The following NKAIN2 variants were observed in gnomAD, a reference collection of about 807,000 sequenced individuals.
NKAIN2 encodes the protein sodium/potassium-transporting ATPase subunit beta-1-interacting protein 2.
Under a neutral mutation model 32.6 loss-of-function variants are expected in NKAIN2, and 14 were observed. The ratio of observed to expected loss-of-function variants is 0.43; its 90% CI spans 0.28 to 0.67. The LOEUF (loss-of-function observed/expected upper bound fraction) is 0.67, where lower values mean the gene tolerates loss of function less well. Ranked by LOEUF, NKAIN2 falls within the 30% of genes least tolerant of loss-of-function variation. The pLI, the probability that NKAIN2 is intolerant of heterozygous loss-of-function variation, is 0.17. For synonymous variants in NKAIN2, 80 were observed against 87.2 expected, an observed-to-expected ratio of 0.92 and a Z score of 0.46; for missense variants, 198 against 258.3, an observed-to-expected ratio of 0.77 and a Z score of 1.60.
chr6:123,949,212 C>T (rs1777214261), intron 1 of NKAIN2, among the ~76,000 whole-genome samples: 1 of 151,800 alleles, frequency 6.6e-6, no homozygotes, highest in Admixed American at 6.6e-5. Flanking sequence ...ATCATACTAC[C>T]TGACTTGAGT....
chr6:123,991,692 C>G (rs1020930739), intron 1 of NKAIN2, among the ~76,000 whole-genome samples: 1 of 152,020 alleles, frequency 6.6e-6, no homozygotes, highest in Admixed American at 6.6e-5. Context: ...GAAACCACAT[C>G]TCAACTAAAA....
intron 1 of NKAIN2, among the ~76,000 whole-genome samples, chr6:124,190,848 G>A (rs1789983449): frequency 6.6e-6 from 1 of 152,074 alleles, no homozygotes; most frequent in Non-Finnish European, 1.5e-5. Context: ...GAATTCTTTA[G>A]AAAATAGACT....
intron 1 of NKAIN2, among the ~76,000 whole-genome samples, chr6:123,815,992 A>G (rs1418692448): frequency 6.6e-6 from 1 of 152,172 alleles, no homozygotes; most frequent in Non-Finnish European, 1.5e-5. Flanking sequence ...AATACAAAGG[A>G]AATTTATGGG....
chr6:124,536,510 A>G (rs1016383613), intron 3 of NKAIN2, among the ~76,000 whole-genome samples: 1 of 152,106 alleles, frequency 6.6e-6, no homozygotes, highest in Non-Finnish European at 1.5e-5. Context: ...CCTTCCAAGC[A>G]GGGCAATCCC....
intron 1 of NKAIN2, among the ~76,000 whole-genome samples, chr6:124,165,171 T>C (rs1041190582): frequency 5.9e-5 from 9 of 152,078 alleles, no homozygotes; most frequent in Non-Finnish European, 1.0e-4. Context: ...GAAAAGCATT[T>C]ATTGTGACTA....
chr6:124,737,941 C>G (rs1413358968), intron 4 of NKAIN2, among the ~76,000 whole-genome samples: 2 of 151,794 alleles, frequency 1.3e-5, no homozygotes, highest in African/African-American at 4.8e-5. Flanking sequence ...GCAAAGCATT[C>G]AAGAGGAAGC....
intron 2 of NKAIN2, among the ~76,000 whole-genome samples, chr6:124,345,493 T>C (rs1485236373): frequency 6.6e-6 from 1 of 152,134 alleles, no homozygotes; most frequent in Non-Finnish European, 1.5e-5. Context: ...AAGCTATTGA[T>C]TATTGCCACA....
intron 1 of NKAIN2, chr6:124,282,287 G>A (rs1171145936): frequency 5.7e-6 from 2 of 349,382 alleles, no homozygotes; most frequent in Non-Finnish European, 1.1e-5. Flanking sequence ...TTTTATAACA[G>A]TGATGCTTGA....
intron 1 of NKAIN2, among the ~76,000 whole-genome samples, chr6:124,112,537 G>T (rs1785431937): frequency 1.3e-5 from 2 of 152,086 alleles, no homozygotes; most frequent in South Asian, 4.1e-4. Flanking sequence ...ATGTGCCTCA[G>T]TGTGTATTTC....
intron 1 of NKAIN2, among the ~76,000 whole-genome samples, chr6:124,163,080 A>C (rs1352682811): frequency 6.6e-6 from 1 of 152,044 alleles, no homozygotes; most frequent in Non-Finnish European, 1.5e-5. Context: ...TCATCTTCAT[A>C]CTGTGAATAT....
At chr6:124,560,280 C>T (rs1450440253) in intron 3 of NKAIN2, among the ~76,000 whole-genome samples, 1 of 152,042 alleles carries the variant, frequency 6.6e-6, no homozygotes, top group Non-Finnish European at 1.5e-5. Flanking sequence ...GGGACTTTTC[C>T]CCTTTTGCTT....
At chr6:124,449,298 G>T (rs1776010167) in intron 3 of NKAIN2, among the ~76,000 whole-genome samples, 1 of 151,856 alleles carries the variant, frequency 6.6e-6, no homozygotes. Context: ...GGCTGCATTT[G>T]GGGAAAGAAC....
chr6:123,954,195 G>A (rs566647851), intron 1 of NKAIN2, among the ~76,000 whole-genome samples: 2 of 152,316 alleles, frequency 1.3e-5, no homozygotes, highest in East Asian at 3.9e-4. Context: ...GATGTAGTCT[G>A]GTGAGGGCCA....
chr6:124,285,110 A>T (rs574810608), intron 2 of NKAIN2, among the ~76,000 whole-genome samples: 71 of 152,284 alleles, frequency 4.7e-4, no homozygotes, highest in African/African-American at 1.7e-3. Flanking sequence ...TTAAGGTCTT[A>T]ACAATGAATT....
intron 1 of NKAIN2, among the ~76,000 whole-genome samples, chr6:124,178,475 T>A (rs1789276766): frequency 6.6e-6 from 1 of 151,922 alleles, no homozygotes; most frequent in Non-Finnish European, 1.5e-5. Context: ...TTTTTTGTAT[T>A]TTTAGTAGAG....
intron 3 of NKAIN2, among the ~76,000 whole-genome samples, chr6:124,656,137 A>T (rs927687670): frequency 2.6e-5 from 4 of 152,148 alleles, no homozygotes; most frequent in African/African-American, 9.7e-5. Flanking sequence ...CATAAAAAAC[A>T]TTCCTTTCTC....
chr6:124,733,978 G>GA (rs1776810987), intron 4 of NKAIN2, among the ~76,000 whole-genome samples: 3 of 150,860 alleles, frequency 2.0e-5, no homozygotes. Context: ...GGTCATCTTG[G>GA]AAAAATAACT....
In NKAIN2 at chr6:124,638,633, C is replaced by A. The variant is rs144005374; in HGVS notation, c.274-19553C>A. On this transcript the variant is annotated intron_variant, in intron 3 of 6. Transcript: ENST00000368417. ...AAAGAGGGCCGGGCGCGGTGGCTCA[C>A]GCCTGTAATCTCAGCACTTTGAGAG... 6.0e-3 allele frequency among the ~76,000 whole-genome samples: 912 copies of A among 152,158 alleles called. 6 individuals are homozygous for A. The highest frequency in any genetic ancestry group is 0.02 in the Middle Eastern group (6 of 294).
chr6:123,975,906 A>T (rs961195626), intron 1 of NKAIN2, among the ~76,000 whole-genome samples: 1 of 151,962 alleles, frequency 6.6e-6, no homozygotes, highest in Non-Finnish European at 1.5e-5. Context: ...TGTAGCTCAC[A>T]CAATTCCTAC....
Sources: allele counts gnomAD v4.1 joint callset (sites outside exome capture counted in the v4.1 genomes callset), GRCh38; gene constraint gnomAD v4.1.1; transcripts MANE v1.5; gene names NCBI Gene and HGNC (gene_info 2026-07-23, HGNC 2026-07-21).